The following EML3 variants were observed in gnomAD, a reference collection of about 807,000 sequenced individuals.
The protein encoded by EML3 is echinoderm microtubule-associated protein-like 3.
EML3 carries 53 observed loss-of-function variants against 106.7 expected under a neutral mutation model. That is an observed-to-expected ratio of 0.50 (90% confidence interval 0.40 to 0.62). The LOEUF is 0.62. Among genes scored for constraint, EML3 ranks in the 20% least tolerant of loss-of-function variants. The pLI, the probability that EML3 is intolerant of heterozygous loss-of-function variation, is 0.00. For missense variants in EML3, 994 were observed against 1,209.1 expected, an observed-to-expected ratio of 0.82 and a Z score of 2.64; for synonymous variants, 499 against 489.6, an observed-to-expected ratio of 1.02 and a Z score of -0.25.
intron 11 of EML3, 81 bp downstream of exon 11, chr11:62,607,585 C>T (rs1474105259): frequency 2.0e-6 from 3 of 1,476,226 alleles, no homozygotes; most frequent in Non-Finnish European, 2.7e-6. Context: ...GGTTAGGGAA[C>T]CTCAGGGTCC....
intron 1 of EML3, 49 bp from the exon 2 acceptor site, chr11:62,611,645 A>G: frequency 1.3e-6 from 2 of 1,562,518 alleles, no homozygotes; most frequent in South Asian, 1.2e-5. Flanking sequence ...ACCTGAAGAA[A>G]GCGTAGAGGG....
At chr11:62,608,926 T>C in intron 7 of EML3, 36 bp downstream of exon 7, 1 of 1,609,270 alleles carries the variant, frequency 6.2e-7, no homozygotes, top group Non-Finnish European at 8.5e-7. Context: ...CCCCAGACCC[T>C]CTTCCTGCCA....
intron 16 of EML3, chr11:62,604,654 G>A (rs563610770): frequency 4.7e-6 from 1 of 214,168 alleles, no homozygotes; most frequent in African/African-American, 2.3e-5. Flanking sequence ...TAGGATTACA[G>A]GCGTGAGCCA....
chr11:62,606,120 C>T lies in EML3; in HGVS notation c.1599G>A (p.Gly533=). Reference sequence around the variant, plus strand: ...CCCACTGTACCAGCCGGCGGTCCCGCCCGCCACCACTCAGCACTGTCCCGT... The same window carrying T: ...CCCACTGTACCAGCCGGCGGTCCCGTCCGCCACCACTCAGCACTGTCCCGT... The part of the protein sequence containing the change: ...RRDGTVLSGG[G]RDRRLVQWGP... Residue 533 remains glycine (G), a synonymous_variant, in exon 13 of 22, where the codon GGG becomes GGA. Transcript: ENST00000394773. 1.2e-6 allele frequency: 2 copies of T among 1,614,104 alleles called. No homozygotes were observed. The highest frequency in any genetic ancestry group is 1.7e-6 in the Non-Finnish European group (2 of 1,180,048).
chr11:62,603,373 A>T, intron 19 of EML3, 126 bp from the exon 20 acceptor site: 1 of 852,198 alleles, frequency 1.2e-6, no homozygotes, highest in African/African-American at 1.7e-5. Flanking sequence ...TCACCGTAGT[A>T]GCATCACCTC....
At position 62,612,636 on chromosome 11, in the gene EML3, G is replaced by A. The variant is rs1257972279; in HGVS notation, c.-179C>T. ...GGCCTGGAGGGGGCGCTGTGGGCCC[G>A]GGGCCGCAGTCTCCAGACCCCCCCG... On this transcript the variant is annotated 5_prime_UTR_variant, in exon 1 of 22. Coordinates refer to ENST00000394773, the MANE Select transcript of EML3 (RefSeq NM_153265.3). The A allele has an allele frequency of 5.9e-6, 3 of 511,102 alleles. No individual in the cohort carries two copies. Among genetic ancestry groups the A allele is most frequent in the East Asian group, 3.8e-5 (1 of 26,286 alleles). The allele number at this position is 511,102 out of a possible 1,614,324, so 31.7% of individuals were successfully genotyped here.
At position 62,612,483 on chromosome 11, in the gene EML3, C is replaced by A. The variant is rs979755462; in HGVS notation, c.-26G>T. The A allele has an allele frequency of 4.3e-6, 6 of 1,410,760 alleles. No individual in the cohort carries two copies. In the East Asian group the frequency reaches 1.8e-4, roughly 43 times the overall value. The allele number at this position is 1,410,760 out of a possible 1,614,324, so 87.4% of individuals were successfully genotyped here. A position where few individuals can be genotyped will look rare whatever the true frequency, so the allele number is the denominator to read the frequency against. ...CCGGCCCCCGGGTTGCTCCGAGCGGCGGCGGCGGAGGAGGCGTCTAAGCCG... is the reference window on the plus strand; with the variant it reads ...CCGGCCCCCGGGTTGCTCCGAGCGGAGGCGGCGGAGGAGGCGTCTAAGCCG... On this transcript the variant is annotated 5_prime_UTR_variant, in exon 1 of 22. Transcript: ENST00000394773.
Position 62,602,877 on chromosome 11 carries a change from T to C in EML3, c.2369A>G (p.Asp790Gly), listed in dbSNP as rs1942310053. The C allele has an allele frequency of 6.3e-7, 1 of 1,578,124 alleles. No homozygotes were observed. The part of the protein sequence containing the change: ...LGFHVYGVWP[D>G]GSDGTDINSL... The stretch of plus-strand genomic sequence containing the variant: ...GTTGATGTCGGTCCCATCGGAGCCG[T>C]CCGGCCAGACGCCTAGCACAGCGGC... Residue 790 changes from aspartate to glycine, a missense_variant, in exon 21 of 22, where the codon GAC becomes GGC. Asp to Gly is a moderately conservative substitution (Grantham distance 94). Around this residue, in one of 3 missense-constraint regions of EML3, gnomAD observed 713 missense variants for 920.5 expected, o/e 0.77. Coordinates refer to ENST00000394773, the MANE Select transcript of EML3 (RefSeq NM_153265.3).
At chr11:62,607,930 C>G (rs1942617279) in intron 10 of EML3, 109 bp from the exon 11 acceptor site, 1 of 1,288,768 alleles carries the variant, frequency 7.8e-7, no homozygotes, top group Admixed American at 2.3e-5. Context: ...TCCAGAAACC[C>G]CAGGACAACC....
chr11:62,608,856 A>C, intron 7 of EML3, 51 bp from the exon 8 acceptor site: 1 of 1,572,030 alleles, frequency 6.4e-7, no homozygotes, highest in Non-Finnish European at 8.6e-7. Context: ...AGACCATCCA[A>C]GACACCTTCT....
intron 4 of EML3, among the ~76,000 whole-genome samples, chr11:62,610,531 G>T (rs556795885): frequency 1.2e-4 from 19 of 152,264 alleles, no homozygotes; most frequent in African/African-American, 4.3e-4. Context: ...GTGATGTAGT[G>T]GAAAGGGTAG....
chr11:62,612,319 GC>G, intron 1 of EML3, 116 bp downstream of exon 1: 2 of 1,036,090 alleles, frequency 1.9e-6, no homozygotes, highest in Admixed American at 2.7e-5. Context: ...GATGCTCGGA[GC>G]CCCTGGGGCG....
chr11:62,610,633 C>G (rs977575992), intron 4 of EML3, among the ~76,000 whole-genome samples: 2 of 152,208 alleles, frequency 1.3e-5, no homozygotes, highest in African/African-American at 4.8e-5. Flanking sequence ...CCTGCTTCCT[C>G]ACCTGTGCAA....
At chr11:62,610,751 GTGTT>G in intron 4 of EML3, 124 bp downstream of exon 4, 2 of 786,862 alleles carry the variant, frequency 2.5e-6, no homozygotes, top group Non-Finnish European at 2.0e-6. Flanking sequence ...CGCCCCAGAA[GTGTT>G]TGTTTCTTTA....
chr11:62,611,452 G>C lies in EML3; in HGVS notation c.167C>G (p.Ser56Cys). The C allele has an allele frequency of 6.2e-7, 1 of 1,613,824 alleles. No individual in the cohort carries two copies. Among genetic ancestry groups the C allele is most frequent in the Non-Finnish European group, 8.5e-7 (1 of 1,179,886 alleles). Residue 56 changes from serine to cysteine, a missense_variant, in exon 2 of 22, where the codon TCT (serine) becomes TGT (cysteine). Coordinates refer to ENST00000394773, the MANE Select transcript of EML3 (RefSeq NM_153265.3). ...LQVPPSSLQG[S>C]GTPAPPGDSL... ...GTCCCCCGGAGGAGCTGGTGTGCCA[G>C]AGCCCTGCAGGGAGGAAGGGGGCAC...
chr11:62,609,601 G>A (rs1156378933), intron 5 of EML3, 28 bp downstream of exon 5: 9 of 1,596,374 alleles, frequency 5.6e-6, no homozygotes, highest in Non-Finnish European at 6.8e-6. Context: ...TGCCATCCAA[G>A]TTTTCCTCTC....
chr11:62,609,422 C>T lies in EML3; in HGVS notation c.690G>A (p.Pro230=), dbSNP rs763419860. 12 of 1,602,200 alleles carry T rather than the reference C, an allele frequency of 7.5e-6. 1 individual carries two copies. Among genetic ancestry groups the T allele is most frequent in the South Asian group, 3.3e-5 (3 of 89,562 alleles). Reference sequence around the variant, plus strand: ...GCTCCTCAAGGCTGCGGATGCCAGACGGGATGTACATGGTAATGGGGCGCC... The same window carrying T: ...GCTCCTCAAGGCTGCGGATGCCAGATGGGATGTACATGGTAATGGGGCGCC... ...LRGRPITMYI[P]SGIRSLEELP... is the part of the protein sequence containing the mutation. The change falls in exon 6 of 22, where the codon CCG becomes CCA. Residue 230 remains proline, a synonymous_variant. Transcript: ENST00000394773.
Position 62,605,288 on chromosome 11 carries a change from T to C in EML3, c.1915-108A>G. 2.6e-6 allele frequency: 3 copies of C among 1,166,944 alleles called. No individual in the cohort carries two copies. Among genetic ancestry groups the C allele is most frequent in the East Asian group, 2.6e-5 (1 of 38,452 alleles). 72.3% of individuals were successfully genotyped at this position (1,166,944 alleles called of 1,614,324 possible). ...AAGCCACTTACTCCCAAGGAGAAGA[T>C]GGGAAGAGAGGGAAGGGATACCCGG... is the stretch of plus-strand genomic sequence containing the variant. On this transcript the variant is annotated intron_variant, in intron 15 of 21. Transcript: ENST00000394773. The surrounding 1 kb of genome is among the most constrained non-coding windows in gnomAD (Gnocchi z 5.2).
chr11:62,603,101 TCCA>T (rs1360788224), intron 20 of EML3, 45 bp downstream of exon 20: 12 of 1,605,138 alleles, frequency 7.5e-6, no homozygotes, highest in African/African-American at 5.3e-5. Flanking sequence ...CAAACTGGGC[TCCA>T]CCTTGTCCCC....
Sources: gnomAD v4.1 joint callset for allele counts (sites outside exome capture counted in the v4.1 genomes callset) on GRCh38, gnomAD v4.1.1 for gene constraint, gnomAD v4.1.1 regional missense constraint, Gnocchi (gnomAD v3.1) non-coding constraint, MANE v1.5 for transcripts, NCBI Gene and HGNC (gene_info 2026-07-23, HGNC 2026-07-21) for gene names.